Variants in CAND2 observed in about 807,000 individuals in gnomAD.
CAND2 encodes cullin-associated NEDD8-dissociated protein 2.
In CAND2, 62 loss-of-function variants were observed where a neutral mutation model predicts 98.9. The ratio of observed to expected loss-of-function variants is 0.63; its 90% confidence interval spans 0.51 to 0.77. The LOEUF is 0.77. CAND2 is among the 30% of genes least tolerant of loss of function. The pLI is 0.00. For missense variants in CAND2, 1,501 were observed against 1,655.2 expected (o/e 0.91, Z 1.62); for synonymous variants, 770 against 731.9 (o/e 1.05, Z -0.84).
chr3:12,823,343 C>A (rs2061973501), intron 11 of CAND2, among the ~76,000 whole-genome samples: 1 of 151,900 alleles, frequency 6.6e-6, no homozygotes, highest in South Asian at 2.1e-4. Context: ...GTAATCCCAG[C>A]ACTTTGGGAG....
At chr3:12,818,650 A>G (rs1234631629) in intron 10 of CAND2, among the ~76,000 whole-genome samples, 1 of 152,228 alleles carries the variant, frequency 6.6e-6, no homozygotes, top group African/African-American at 2.4e-5. Flanking sequence ...CTGGCCCCTT[A>G]CAGAACCAGT....
chr3:12,813,480 G>T, intron 7 of CAND2, 92 bp downstream of exon 7: 1 of 1,342,940 alleles, frequency 7.4e-7, no homozygotes, highest in East Asian at 2.3e-5. Flanking sequence ...CACATTTGGT[G>T]CCCCTGTCCT....
At chr3:12,812,240 T>TTTTTTTTTTTTTTTG (rs71066940) in intron 5 of CAND2, among the ~76,000 whole-genome samples, 1 of 137,108 alleles carries the variant, frequency 7.3e-6, no homozygotes, top group African/African-American at 3.1e-5. Context: ...TTTTTTTTTT[T>TTTTTTTTTTTTTTTG]GGAGATAGAA....
chr3:12,798,801 C>A (rs563855475), intron 1 of CAND2, among the ~76,000 whole-genome samples: 2 of 152,172 alleles, frequency 1.3e-5, no homozygotes, highest in Non-Finnish European at 2.9e-5. Context: ...GTCCGAATAC[C>A]AGGGTGCTGG....
chr3:12,823,454 C>T (rs895313775), intron 11 of CAND2, among the ~76,000 whole-genome samples: 9 of 151,438 alleles, frequency 5.9e-5, no homozygotes, highest in Admixed American at 3.3e-4. Flanking sequence ...GTAGGCTGGG[C>T]GCGGTGGCTC....
intron 13 of CAND2, 26 bp downstream of exon 13, chr3:12,827,630 T>C: frequency 6.3e-7 from 1 of 1,587,130 alleles, no homozygotes; most frequent in Non-Finnish European, 8.6e-7. Flanking sequence ...CTGCCAGATC[T>C]ATGTGCCCCT....
At position 12,817,394 on chromosome 3, in the gene CAND2, G is replaced by T; in HGVS notation, c.2462G>T (p.Ser821Ile). The T allele has an allele frequency of 1.2e-6, 2 of 1,613,780 alleles. No individual in the cohort carries two copies. Among genetic ancestry groups the T allele is most frequent in the Non-Finnish European group, 1.7e-6 (2 of 1,180,032 alleles). The change falls in exon 10 of 15, where the codon AGC becomes ATC. Residue 821 changes from serine (S) to isoleucine (I), a missense_variant. Ser to Ile is a moderately radical substitution (Grantham distance 142). Around this residue, in one of 3 missense-constraint regions of CAND2, gnomAD observed 1,427 missense variants for 1,545.3 expected, o/e 0.92. Coordinates refer to ENST00000456430, the MANE Select transcript of CAND2 (RefSeq NM_001162499.2). ...LSAACPQEAASTASRLVCDAR... is the reference protein window; with the variant it reads ...LSAACPQEAAITASRLVCDAR... ...GCTGCCTGTCCCCAAGAGGCGGCAA[G>T]CACAGCCAGTCGCCTGGTCTGCGAT...
chr3:12,796,879 C>A, intron 1 of CAND2, 91 bp downstream of exon 1: 2 of 989,032 alleles, frequency 2.0e-6, no homozygotes, highest in African/African-American at 1.6e-5. Flanking sequence ...TCCCCCATGA[C>A]CATGCAGCCC....
chr3:12,797,067 C>A (rs897485136), intron 1 of CAND2, among the ~76,000 whole-genome samples: 1 of 151,992 alleles, frequency 6.6e-6, no homozygotes, highest in African/African-American at 2.4e-5. Context: ...CTCTCACCCC[C>A]GATCAGAGCC....
Position 12,815,427 on chromosome 3 carries a change from T to G in CAND2, c.1293T>G (p.Arg431=). 1 of 1,607,322 alleles carries G rather than the reference T, an allele frequency of 6.2e-7. No homozygotes were observed. Among genetic ancestry groups the G allele is most frequent in the Non-Finnish European group, 8.5e-7 (1 of 1,175,290 alleles). Residue 431 remains arginine, a synonymous_variant, in exon 8 of 15, where the codon CGT becomes CGG. Transcript: ENST00000456430. The surrounding 1 kb of genome is among the most constrained non-coding windows in gnomAD (Gnocchi z 5.7). ...TQTGSNLHML[R]GQVPLVVKAL... is the part of the protein sequence containing the mutation. Reference sequence around the variant, plus strand: ...CCGGCAGCAACCTCCATATGCTACGTGGACAGGTGGGCGTGCCTTCACCTC... The same window carrying G: ...CCGGCAGCAACCTCCATATGCTACGGGGACAGGTGGGCGTGCCTTCACCTC...
At chr3:12,823,711 C>T (rs776037204) in intron 11 of CAND2, among the ~76,000 whole-genome samples, 46 of 147,122 alleles carry the variant, frequency 3.1e-4, no homozygotes, top group Non-Finnish European at 6.0e-4. Context: ...GTCTGGGCGA[C>T]AGAGCGAGAC....
At chr3:12,797,068 G>C (rs997624580) in intron 1 of CAND2, among the ~76,000 whole-genome samples, 2 of 148,908 alleles carry the variant, frequency 1.3e-5, no homozygotes, top group African/African-American at 5.0e-5. Flanking sequence ...TCTCACCCCC[G>C]ATCAGAGCCC....
At chr3:12,810,415 C>T (rs1453413166) in intron 5 of CAND2, 91 bp downstream of exon 5, 21 of 1,246,270 alleles carry the variant, frequency 1.7e-5, no homozygotes, top group Non-Finnish European at 2.2e-5. Context: ...GCTTGGGCCG[C>T]AGTGCAGCCA....
At chr3:12,825,116 CT>C (rs528083266) in intron 11 of CAND2, among the ~76,000 whole-genome samples, 376 of 143,430 alleles carry the variant, frequency 2.6e-3, no homozygotes, top group African/African-American at 4.2e-3. Context: ...AAATTTTTTT[CT>C]TTTTTTTTTT....
chr3:12,796,917 T>A, intron 1 of CAND2, 129 bp downstream of exon 1: 1 of 769,266 alleles, frequency 1.3e-6, no homozygotes, highest in South Asian at 1.5e-5. Flanking sequence ...CTCCCTGCAT[T>A]AAGCTGCCCC....
intron 4 of CAND2, 31 bp from the exon 5 acceptor site, chr3:12,810,028 G>T: frequency 1.4e-6 from 2 of 1,386,436 alleles, no homozygotes; most frequent in South Asian, 3.3e-5. Context: ...CGCGGAGTGC[G>T]ATCGGCCTGA....
intron 1 of CAND2, among the ~76,000 whole-genome samples, chr3:12,803,016 GTC>G (rs752686324): frequency 1.2e-3 from 166 of 142,174 alleles, no homozygotes; most frequent in Non-Finnish European, 1.9e-3. Context: ...TGGAGACGGA[GTC>G]TCTCTCTGTC....
rs62637646 is a variant in CAND2 at position 12,810,236 on chromosome 3, C to T, written c.669C>T (p.Pro223=). 4.9e-3 allele frequency: 7,484 copies of T among 1,531,790 alleles called. 235 individuals carry two copies. In the African/African-American group the frequency reaches 0.078, roughly 16 times the overall value. The allele number at this position is 1,531,790 out of a possible 1,614,324, so 94.9% of individuals were successfully genotyped here. Residue 223 remains proline (P), a synonymous_variant, in exon 5 of 15, where the codon CCC becomes CCT. Transcript: ENST00000456430. ...ELADHLLDRL[P]GPRVPTSPTA... is the part of the protein sequence containing the mutation. ...CTGACCACCTACTGGACCGGCTGCC[C>T]GGCCCGCGGGTGCCCACCAGCCCGA...
intron 5 of CAND2, among the ~76,000 whole-genome samples, chr3:12,812,221 C>CTTTTATTTTTTTTTTTTTT (rs2061857203): frequency 2.7e-5 from 2 of 74,512 alleles, no homozygotes; most frequent in Non-Finnish European, 5.0e-5. Context: ...AGCTGTTTAT[C>CTTTTATTTTTTTTTTTTTT]TTTTTTTTTT....
Sources: gnomAD v4.1 joint callset for allele counts (sites outside exome capture counted in the v4.1 genomes callset) on GRCh38, gnomAD v4.1.1 for gene constraint, gnomAD v4.1.1 regional missense constraint, Gnocchi (gnomAD v3.1) non-coding constraint, MANE v1.5 for transcripts, NCBI Gene and HGNC (gene_info 2026-07-23, HGNC 2026-07-21) for gene names.